CSDE1: variants seen among roughly 807,000 people sequenced by gnomAD.
CSDE1 encodes the protein cold shock domain containing E1.
In CSDE1, 17 loss-of-function variants were observed where a neutral mutation model predicts 89.3. The observed-to-expected ratio is 0.19, with a 90% confidence interval of 0.13 to 0.29. CSDE1 has a LOEUF of 0.29. Ranked by LOEUF, CSDE1 falls within the 10% of genes least tolerant of loss-of-function variation. The pLI is 1.00. For synonymous variants in CSDE1, 322 were observed against 332.8 expected (o/e 0.97, Z 0.35); for missense variants, 672 against 984.2 (o/e 0.68, Z 4.24).
At position 114,757,228 on chromosome 1, in the gene CSDE1, CTG is replaced by C. The variant is rs199588154; in HGVS notation, c.-388+695_-388+696del. Among the ~76,000 whole-genome samples, 715 of 152,286 alleles carry C rather than the reference CTG, an allele frequency of 4.7e-3. 23 individuals carry two copies. Among genetic ancestry groups the C allele is most frequent in the Admixed American group, 0.044 (666 of 15,296 alleles). ...GGTGCTGAGACCCTGCTCTAGGTGA[CTG>C]GAGTAACGATGTCAATTCCGCCACA... On this transcript the variant is annotated intron_variant, in intron 1 of 19. Coordinates refer to ENST00000358528, the MANE Select transcript of CSDE1 (RefSeq NM_001007553.3).
chr1:114,742,955 AT>A (rs986952135), intron 2 of CSDE1, among the ~76,000 whole-genome samples: 2 of 152,122 alleles, frequency 1.3e-5, no homozygotes, highest in African/African-American at 2.4e-5. Context: ...CTCACTTCAC[AT>A]TTTTCCTATT....
chr1:114,747,864 G>GA (rs745308438), intron 2 of CSDE1, among the ~76,000 whole-genome samples: 176 of 140,738 alleles, frequency 1.3e-3, no homozygotes, highest in East Asian at 3.1e-3. Flanking sequence ...TCTCAGAGAG[G>GA]AAAAAAAAAA....
At chr1:114,731,300 ATT>A (rs1660084343) in intron 10 of CSDE1, among the ~76,000 whole-genome samples, 1 of 151,766 alleles carries the variant, frequency 6.6e-6, no homozygotes, top group Non-Finnish European at 1.5e-5. Context: ...CCTAAACAAT[ATT>A]TTGACATTTA....
At chr1:114,738,161 T>C (rs41274128) in intron 3 of CSDE1, 89 bp from the exon 4 acceptor site, 30,408 of 1,000,190 alleles carry the variant, frequency 0.03, 636 homozygotes, top group Non-Finnish European at 0.033. Context: ...AGCATTTGAA[T>C]TGCCTTAGAC....
At chr1:114,718,874 T>C in intron 18 of CSDE1, 129 bp from the exon 19 acceptor site, 1 of 965,238 alleles carries the variant, frequency 1.0e-6, no homozygotes, top group Middle Eastern at 2.5e-4. Flanking sequence ...TTGCCTCATA[T>C]ACCTAGCTAG....
intron 2 of CSDE1, among the ~76,000 whole-genome samples, chr1:114,743,654 T>A (rs1316057001): frequency 6.6e-6 from 1 of 152,210 alleles, no homozygotes; most frequent in East Asian, 1.9e-4. Context: ...ATCCTCTTTT[T>A]CTCACCCAAA....
At chr1:114,743,813 C>T (rs1430258177) in intron 2 of CSDE1, among the ~76,000 whole-genome samples, 1 of 152,152 alleles carries the variant, frequency 6.6e-6, no homozygotes, top group Non-Finnish European at 1.5e-5. Context: ...AAAGCCTTCC[C>T]CTTCTCCCAG....
At chr1:114,742,508 G>A (rs1219383611) in intron 2 of CSDE1, among the ~76,000 whole-genome samples, 2 of 152,182 alleles carry the variant, frequency 1.3e-5, no homozygotes, top group Non-Finnish European at 1.5e-5. Context: ...CTTGAACCCA[G>A]GAGGCGGAGG....
intron 1 of CSDE1, among the ~76,000 whole-genome samples, chr1:114,753,977 A>C (rs1358962494): frequency 2.0e-5 from 3 of 152,168 alleles, no homozygotes; most frequent in African/African-American, 7.2e-5. Flanking sequence ...GAACAATTTA[A>C]ATGTGTATCT....
chr1:114,730,132 G>GT (rs1660022435), intron 12 of CSDE1, 126 bp downstream of exon 12: 1 of 1,097,078 alleles, frequency 9.1e-7, no homozygotes, highest in Non-Finnish European at 1.3e-6. Context: ...TTAGTTCACT[G>GT]TTAATATGAC....
chr1:114,720,700 C>T lies in CSDE1; in HGVS notation c.1891G>A (p.Val631Ile). 1 of 1,614,196 alleles carries T rather than the reference C, an allele frequency of 6.2e-7. No homozygotes were observed. The highest frequency in any genetic ancestry group is 8.5e-7 in the Non-Finnish European group (1 of 1,180,024). ...IVEEGDMKGE[V>I]YPFGIVGMAN... ...ATCCCAACGATGCCAAATGGATAGA[C>T]CTCACCTTTCATATCGCCTGTAAAA... Residue 631 changes from valine to isoleucine, a missense_variant, in exon 17 of 20, where the codon GTC (valine) becomes ATC (isoleucine). By Grantham distance (29) the Val-to-Ile change is conservative. Coordinates refer to ENST00000358528, the MANE Select transcript of CSDE1 (RefSeq NM_001007553.3).
At chr1:114,754,047 G>C (rs1354131738) in intron 1 of CSDE1, among the ~76,000 whole-genome samples, 5 of 152,024 alleles carry the variant, frequency 3.3e-5, no homozygotes, top group Non-Finnish European at 7.4e-5. Context: ...CATGGAAATA[G>C]TATTATTACT....
Position 114,726,099 on chromosome 1 carries a change from T to C in CSDE1, c.1640+112A>G, listed in dbSNP as rs1410104933. 3.8e-6 allele frequency: 4 copies of C among 1,063,530 alleles called. No individual in the cohort carries two copies. The East Asian group carries it at 1.0e-4, about 27-fold the overall frequency. The allele number at this position is 1,063,530 out of a possible 1,614,324, so 65.9% of individuals were successfully genotyped here. On this transcript the variant is annotated intron_variant, in intron 14 of 19. Coordinates refer to ENST00000358528, the MANE Select transcript of CSDE1 (RefSeq NM_001007553.3). ...TTATATCTTGCCATAATTCTACCAA[T>C]ATGAAATCTGAACCTCAACAAGTAT...
chr1:114,742,296 A>G (rs1324298361), intron 2 of CSDE1, among the ~76,000 whole-genome samples: 3 of 152,196 alleles, frequency 2.0e-5, no homozygotes, highest in Admixed American at 6.5e-5. Context: ...ACCTTCACAA[A>G]TAAGACAAAT....
intron 1 of CSDE1, among the ~76,000 whole-genome samples, chr1:114,753,427 C>T (rs1661413309): frequency 6.6e-6 from 1 of 152,154 alleles, no homozygotes; most frequent in African/African-American, 2.4e-5. Flanking sequence ...CTATAGTTAA[C>T]TAAATGTTTT....
intron 2 of CSDE1, chr1:114,746,412 C>T (rs950965461): frequency 2.0e-5 from 3 of 151,818 alleles, no homozygotes; most frequent in African/African-American, 7.3e-5. Flanking sequence ...ATCGTTTGTT[C>T]CCAAATAAAA....
chr1:114,718,668 G>A lies in CSDE1; in HGVS notation c.2294C>T (p.Ala765Val). The change falls in exon 19 of 20, where the codon GCC (alanine) becomes GTC (valine). Residue 765 changes from alanine to valine, a missense_variant. Ala to Val is a moderately conservative substitution (Grantham distance 64). Around this residue, in one of 8 missense-constraint regions of CSDE1, gnomAD observed 206 missense variants for 332.4 expected, o/e 0.62. Coordinates refer to ENST00000358528, the MANE Select transcript of CSDE1 (RefSeq NM_001007553.3). ...NRLKNITLDD[A>V]SAPRLMVLRQ... ...AAGAACCATTAGGCGAGGAGCACTG[G>A]CATCATCCAGAGTGATATTCTTCAA... 1 of 1,614,154 alleles carries A rather than the reference G, an allele frequency of 6.2e-7. No individual in the cohort carries two copies.
intron 2 of CSDE1, chr1:114,741,477 G>A (rs1660724523): frequency 6.7e-7 from 1 of 1,489,660 alleles, no homozygotes. Context: ...CCTAGGTCAT[G>A]CTCTTAACAC....
chr1:114,721,278 G>A (rs1182395769), intron 16 of CSDE1, among the ~76,000 whole-genome samples: 1 of 152,104 alleles, frequency 6.6e-6, no homozygotes, highest in Non-Finnish European at 1.5e-5. Flanking sequence ...TTTTAGGTTT[G>A]CAAGTCATCC....
Sources: allele counts gnomAD v4.1 joint callset (sites outside exome capture counted in the v4.1 genomes callset), GRCh38; gene constraint gnomAD v4.1.1; regional missense constraint gnomAD v4.1.1; transcripts MANE v1.5; gene names NCBI Gene and HGNC (gene_info 2026-07-23, HGNC 2026-07-21).